ZC3H18: variants seen among roughly 807,000 people sequenced by gnomAD.
ZC3H18 encodes zinc finger CCCH domain-containing protein 18.
In ZC3H18, 8 loss-of-function variants were observed where a neutral mutation model predicts 106.1. That is an observed-to-expected ratio of 0.08 (90% CI 0.04 to 0.14). ZC3H18 has a LOEUF of 0.14. ZC3H18 is among the 10% of genes least tolerant of loss of function. ZC3H18 has a pLI of 1.00. For missense variants in ZC3H18, 1,318 were observed against 1,278.4 expected (o/e 1.03, Z -0.47); for synonymous variants, 635 against 522.1 (o/e 1.22, Z -2.95).
At chr16:88,574,351 A>G (rs939572056) in intron 1 of ZC3H18, among the ~76,000 whole-genome samples, 1 of 151,864 alleles carries the variant, frequency 6.6e-6, no homozygotes, top group African/African-American at 2.4e-5. Flanking sequence ...CTTGGATAAC[A>G]GGCACCTGCT....
At chr16:88,617,879 C>G (rs1014220843) in intron 8 of ZC3H18, among the ~76,000 whole-genome samples, 1 of 152,254 alleles carries the variant, frequency 6.6e-6, no homozygotes, top group Non-Finnish European at 1.5e-5. Flanking sequence ...TCTCATCTGC[C>G]AGTTTGAGGC....
intron 11 of ZC3H18, 189 bp downstream of exon 11, chr16:88,624,251 C>T: frequency 2.6e-6 from 2 of 775,242 alleles, no homozygotes; most frequent in Non-Finnish European, 4.0e-6. Flanking sequence ...GCCACCCTTA[C>T]ACAGCAGCAC....
intron 3 of ZC3H18, among the ~76,000 whole-genome samples, chr16:88,589,207 C>T (rs1001826628): frequency 1.6e-4 from 24 of 152,178 alleles, no homozygotes; most frequent in African/African-American, 5.8e-4. Flanking sequence ...TGTTGGAGCC[C>T]TCATTCACTG....
chr16:88,578,378 G>A (rs1239292294), intron 2 of ZC3H18, among the ~76,000 whole-genome samples: 2 of 152,170 alleles, frequency 1.3e-5, no homozygotes, highest in Non-Finnish European at 2.9e-5. Flanking sequence ...CTAGGTATGG[G>A]TAGGTGGGGT....
chr16:88,581,187 A>G (rs1915106046), intron 2 of ZC3H18, among the ~76,000 whole-genome samples: 1 of 152,264 alleles, frequency 6.6e-6, no homozygotes, highest in Non-Finnish European at 1.5e-5. Context: ...TTTAAAAAAC[A>G]GATGGGGTCT....
In ZC3H18 at chr16:88,631,350, C is replaced by CAA; in HGVS notation, c.*51_*52insAA. The stretch of plus-strand genomic sequence containing the variant: ...ATTTTTATACATAGGGTAAGCGCAG[C>CAA]CATTTTGGATTTTGCAGTTAATGTC... On this transcript the variant is annotated 3_prime_UTR_variant, in exon 18 of 18. Transcript: ENST00000301011. 1 of 1,548,098 alleles carries CAA rather than the reference C, an allele frequency of 6.5e-7. No homozygotes were observed. The highest frequency in any genetic ancestry group is 2.4e-5 in the East Asian group (1 of 40,916).
intron 3 of ZC3H18, among the ~76,000 whole-genome samples, chr16:88,596,368 G>T (rs1904439724): frequency 6.6e-6 from 1 of 152,096 alleles, no homozygotes; most frequent in African/African-American, 2.4e-5. Context: ...GAGGCCGAGT[G>T]TGGTGGTTCA....
chr16:88,606,875 C>T (rs1354571319), intron 6 of ZC3H18, among the ~76,000 whole-genome samples: 3 of 152,194 alleles, frequency 2.0e-5, no homozygotes, highest in South Asian at 2.1e-4. Flanking sequence ...GTGTTCGTAG[C>T]CACCCATCGC....
intron 8 of ZC3H18, among the ~76,000 whole-genome samples, chr16:88,615,438 G>A (rs1318825273): frequency 6.6e-6 from 1 of 152,214 alleles, no homozygotes; most frequent in African/African-American, 2.4e-5. Flanking sequence ...CTCTGTGCCT[G>A]TCCCAGAGTC....
At position 88,611,216 on chromosome 16, in the gene ZC3H18, C is replaced by G. The variant is rs140121676; in HGVS notation, c.1207-52C>G. On this transcript the variant is annotated intron_variant, in intron 7 of 17. Transcript: ENST00000301011. ...GTTGGAGCCAAGGCTTTCAGTGCCT[C>G]TGTCACCCAAATAACGCACGGTGTC... 236 of 722,174 alleles carry G rather than the reference C, an allele frequency of 3.3e-4. 3 individuals carry two copies. The East Asian group carries it at 5.7e-3, about 17-fold the overall frequency. The allele number at this position is 722,174 out of a possible 1,614,324, so 44.7% of individuals were successfully genotyped here.
At chr16:88,625,876 C>G (rs1379992823) in intron 13 of ZC3H18, 4 of 94,004 alleles carry the variant, frequency 4.3e-5, no homozygotes, top group Admixed American at 1.4e-4. Flanking sequence ...CAGTTTCATT[C>G]TTGTTGCCCA....
intron 8 of ZC3H18, among the ~76,000 whole-genome samples, chr16:88,615,950 TGTGGCCCGCACTTTA>T (rs1905574020): frequency 6.6e-6 from 1 of 152,268 alleles, no homozygotes; most frequent in Non-Finnish European, 1.5e-5. Context: ...GTTCCTCTGC[TGTGGCCCGCACTTTA>T]GTGACCCGCG....
intron 2 of ZC3H18, 38 bp from the exon 3 acceptor site, chr16:88,586,562 A>T: frequency 6.4e-7 from 1 of 1,560,928 alleles, no homozygotes; most frequent in Non-Finnish European, 8.8e-7. Flanking sequence ...TGATTGATAG[A>T]TGCCTCCCCC....
intron 2 of ZC3H18, among the ~76,000 whole-genome samples, chr16:88,585,211 A>T (rs926540585): frequency 1.3e-5 from 2 of 152,390 alleles, no homozygotes; most frequent in Non-Finnish European, 2.9e-5. Context: ...CTTAAGGGAT[A>T]TAACTCTCAG....
intron 1 of ZC3H18, among the ~76,000 whole-genome samples, chr16:88,570,894 G>C (rs1567572040): frequency 6.6e-6 from 1 of 152,264 alleles, no homozygotes; most frequent in Non-Finnish European, 1.5e-5. Context: ...CGTGGCACAT[G>C]TGTGCCGCCG....
At chr16:88,583,487 A>T (rs1400210324) in intron 2 of ZC3H18, among the ~76,000 whole-genome samples, 1 of 152,232 alleles carries the variant, frequency 6.6e-6, no homozygotes. Flanking sequence ...AGATCAGGTG[A>T]CTTTTGCAGA....
chr16:88,604,371 C>G (rs1225920848), intron 6 of ZC3H18, among the ~76,000 whole-genome samples: 1 of 146,446 alleles, frequency 6.8e-6, no homozygotes, highest in African/African-American at 2.5e-5. Context: ...AAAAAAAGTT[C>G]TCACATATGT....
At chr16:88,574,498 C>G (rs1914615086) in intron 1 of ZC3H18, among the ~76,000 whole-genome samples, 1 of 151,610 alleles carries the variant, frequency 6.6e-6, no homozygotes, top group African/African-American at 2.4e-5. Flanking sequence ...CGCGAGCCAC[C>G]ACGCCTGGCC....
intron 1 of ZC3H18, among the ~76,000 whole-genome samples, chr16:88,573,412 C>T (rs1292044288): frequency 6.6e-6 from 1 of 152,088 alleles, no homozygotes; most frequent in Non-Finnish European, 1.5e-5. Flanking sequence ...CGCAGACTCC[C>T]AGTCTTGAAC....
Sources: allele counts gnomAD v4.1 joint callset (sites outside exome capture counted in the v4.1 genomes callset), GRCh38; gene constraint gnomAD v4.1.1; transcripts MANE v1.5; gene names NCBI Gene and HGNC (gene_info 2026-07-23, HGNC 2026-07-21).